ITGB8: variants seen among roughly 807,000 people sequenced by gnomAD.
The protein encoded by ITGB8 is integrin beta-8.
Under a neutral mutation model 89.5 loss-of-function variants are expected in ITGB8, and 30 were observed. The observed-to-expected ratio is 0.34, with a 90% CI of 0.25 to 0.45. The LOEUF (loss-of-function observed/expected upper bound fraction) is 0.45, where lower values mean the gene tolerates loss of function less well. ITGB8 is among the 20% of genes least tolerant of loss of function. ITGB8 has a pLI of 1.00. For synonymous variants in ITGB8, 335 were observed against 320.4 expected (o/e 1.05, Z -0.49); for missense variants, 836 against 933.3 (o/e 0.90, Z 1.36).
intron 1 of ITGB8, among the ~76,000 whole-genome samples, chr7:20,344,897 G>A (rs1046937491): frequency 1.3e-5 from 2 of 152,162 alleles, no homozygotes; most frequent in Non-Finnish European, 2.9e-5. Flanking sequence ...TGTAAGCCTC[G>A]GGGATATGGC....
rs1787685604 is a variant in ITGB8, at chr7:20,409,653, A to G, written c.2062A>G (p.Ile688Val). The change falls in exon 13 of 14, where the codon ATC (isoleucine) becomes GTC (valine). Residue 688 changes from isoleucine (I) to valine (V), a missense_variant. Ile to Val is a conservative substitution (Grantham distance 29). Transcript: ENST00000222573. ...SSPSYLRIFFIIFIVTFLIGL... is the reference protein window; with the variant it reads ...SSPSYLRIFFVIFIVTFLIGL... ...CCCAAGCTACTTGAGAATATTTTTC[A>G]TCATTTTCATAGTTACATTCTTGAT... 1 of 1,610,442 alleles carries G rather than the reference A, an allele frequency of 6.2e-7. No homozygotes were observed. The highest frequency in any genetic ancestry group is 8.5e-7 in the Non-Finnish European group (1 of 1,178,666).
chr7:20,339,335 T>C (rs1009369387), intron 1 of ITGB8, among the ~76,000 whole-genome samples: 2 of 152,208 alleles, frequency 1.3e-5, no homozygotes, highest in African/African-American at 4.8e-5. Context: ...CCATACTATA[T>C]TCATGGAGTA....
In ITGB8 at chr7:20,399,001, G is replaced by C. The variant is rs1291880663; in HGVS notation, c.1281+7G>C. 6.2e-7 allele frequency: 1 copy of C among 1,606,448 alleles called. No homozygotes were observed. The highest frequency in any genetic ancestry group is 1.1e-5 in the South Asian group (1 of 89,014). On this transcript the variant is annotated splice_region_variant and intron_variant, in intron 9 of 13. Coordinates refer to ENST00000222573, the MANE Select transcript of ITGB8 (RefSeq NM_002214.3). ...CGTGACGAGCAATGATGAAGTATGT[G>C]GGTGTGCATTTTTCCCTTTTAAAAT... is the stretch of plus-strand genomic sequence containing the variant.
intron 8 of ITGB8, among the ~76,000 whole-genome samples, chr7:20,397,151 C>A (rs181948380): frequency 6.6e-6 from 1 of 151,564 alleles, no homozygotes; most frequent in East Asian, 1.9e-4. Flanking sequence ...CCAAACTGGG[C>A]AAAATTTTAA....
In ITGB8 at chr7:20,411,146, C is replaced by CTTTTTTTTTTTTT. The variant is rs66469619; in HGVS notation, c.*1162_*1174dup. 1.7e-5 allele frequency: 1 copy of CTTTTTTTTTTTTT among 60,352 alleles called. No homozygotes were observed. The allele number at this position is 60,352 out of a possible 1,614,324, so 3.7% of individuals were successfully genotyped here. A position where few individuals can be genotyped will look rare whatever the true frequency, so the allele number is the denominator to read the frequency against. ...GAATAGATGATATCTTAGAAATAAG[C>CTTTTTTTTTTTTT]TTTTTTTTTTTTTTTTTTTTTTTTT... On this transcript the variant is annotated 3_prime_UTR_variant, in exon 14 of 14. Coordinates refer to ENST00000222573, the MANE Select transcript of ITGB8 (RefSeq NM_002214.3).
In ITGB8 at chr7:20,413,732, A is replaced by G. The variant is rs1006316950; in HGVS notation, c.*3735A>G. On this transcript the variant is annotated 3_prime_UTR_variant, in exon 14 of 14. Coordinates refer to ENST00000222573, the MANE Select transcript of ITGB8 (RefSeq NM_002214.3). ...TAAAATCTAAGAATTCTAAATTTTCACAACTGTTTGAGCTTCTTTTCATTT... is the reference window on the plus strand; with the variant it reads ...TAAAATCTAAGAATTCTAAATTTTCGCAACTGTTTGAGCTTCTTTTCATTT... 6.6e-6 allele frequency: 1 copy of G among 152,134 alleles called. No individual in the cohort carries two copies. Among genetic ancestry groups the G allele is most frequent in the African/African-American group, 2.4e-5 (1 of 41,454 alleles). 9.4% of individuals were successfully genotyped at this position (152,134 alleles called of 1,614,324 possible).
At chr7:20,370,600 T>TTTATTATTATTATTATTA (rs67123203) in intron 3 of ITGB8, among the ~76,000 whole-genome samples, 2 of 144,406 alleles carry the variant, frequency 1.4e-5, no homozygotes, top group African/African-American at 2.6e-5. Flanking sequence ...TATTTACTTA[T>TTTATTATTATTATTATTA]TTATTATTAT....
chr7:20,381,660 T>C (rs1002147165), intron 5 of ITGB8, 67 bp from the exon 6 acceptor site: 16 of 1,236,652 alleles, frequency 1.3e-5, no homozygotes, highest in South Asian at 2.9e-5. Context: ...TAATGTTTAC[T>C]TGAGGTAAAA....
At chr7:20,376,214 C>T (rs549747219) in intron 3 of ITGB8, among the ~76,000 whole-genome samples, 43 of 152,278 alleles carry the variant, frequency 2.8e-4, no homozygotes, top group Middle Eastern at 6.8e-3. Context: ...TAGCCACGTC[C>T]CCATGCCAAC....
chr7:20,390,074 C>G (rs766473779), intron 6 of ITGB8, among the ~76,000 whole-genome samples: 35 of 152,242 alleles, frequency 2.3e-4, no homozygotes, highest in Admixed American at 3.9e-4. Context: ...ACTAGTTAGT[C>G]TAGCCCTTTT....
At chr7:20,347,160 T>C (rs1784954428) in intron 1 of ITGB8, among the ~76,000 whole-genome samples, 1 of 152,186 alleles carries the variant, frequency 6.6e-6, no homozygotes, top group Non-Finnish European at 1.5e-5. Context: ...CTTGCCGGAT[T>C]CCAAAACTGC....
At chr7:20,399,496 T>C (rs1223800216) in intron 9 of ITGB8, among the ~76,000 whole-genome samples, 1 of 151,638 alleles carries the variant, frequency 6.6e-6, no homozygotes, top group Non-Finnish European at 1.5e-5. Context: ...CTCATAATTA[T>C]CTAAATTATC....
chr7:20,372,910 G>A (rs187152354), intron 3 of ITGB8, among the ~76,000 whole-genome samples: 21 of 152,116 alleles, frequency 1.4e-4, no homozygotes, highest in Admixed American at 1.1e-3. Context: ...AGACATATCC[G>A]TCTTAGGGCA....
chr7:20,334,937 A>C (rs1784527269), intron 1 of ITGB8, among the ~76,000 whole-genome samples: 3 of 152,176 alleles, frequency 2.0e-5, no homozygotes, highest in Admixed American at 2.0e-4. Context: ...GATTTTTTAA[A>C]GTTTTTAACA....
intron 11 of ITGB8, among the ~76,000 whole-genome samples, chr7:20,405,329 T>TA (rs200839863): frequency 5.5e-4 from 78 of 142,502 alleles, no homozygotes; most frequent in East Asian, 2.7e-3. Flanking sequence ...ATATATATAT[T>TA]TTTTTTTTGT....
intron 4 of ITGB8, 42 bp downstream of exon 4, chr7:20,379,339 CT>C: frequency 1.5e-6 from 2 of 1,332,498 alleles, no homozygotes; most frequent in Non-Finnish European, 2.0e-6. Context: ...TAATTTTTTG[CT>C]TATAAAATCT....
intron 3 of ITGB8, among the ~76,000 whole-genome samples, chr7:20,378,511 C>T (rs2040732): frequency 0.38 from 58,324 of 152,092 alleles, 11,572 homozygotes; most frequent in Non-Finnish European, 0.43. Flanking sequence ...GAATAGCTTG[C>T]TGTACTACAC....
intron 3 of ITGB8, among the ~76,000 whole-genome samples, chr7:20,369,409 C>A (rs1441967323): frequency 6.6e-6 from 1 of 152,068 alleles, no homozygotes. Flanking sequence ...CTTGCTACGT[C>A]CACACAGGGC....
intron 3 of ITGB8, among the ~76,000 whole-genome samples, chr7:20,368,885 A>G (rs1287871504): frequency 6.6e-6 from 1 of 151,840 alleles, no homozygotes; most frequent in African/African-American, 2.4e-5. Context: ...AACATCCCCC[A>G]TTTCTTATGC....
Sources: gnomAD v4.1 joint callset for allele counts (sites outside exome capture counted in the v4.1 genomes callset) on GRCh38, gnomAD v4.1.1 for gene constraint, MANE v1.5 for transcripts, NCBI Gene and HGNC (gene_info 2026-07-23, HGNC 2026-07-21) for gene names.